NKAIN2: variants seen among roughly 807,000 people sequenced by gnomAD.
NKAIN2 encodes sodium/potassium transporting ATPase interacting 2, also known as sodium/potassium-transporting ATPase subunit beta-1-interacting protein 2.
In NKAIN2, 14 loss-of-function variants were observed where a neutral mutation model predicts 32.6. The ratio of observed to expected loss-of-function variants is 0.43; its 90% CI spans 0.28 to 0.67. The LOEUF (loss-of-function observed/expected upper bound fraction) is 0.67. Ranked by LOEUF, NKAIN2 falls within the 30% of genes least tolerant of loss-of-function variation. The pLI is 0.17. For missense variants in NKAIN2, 198 were observed against 258.3 expected (o/e 0.77, Z 1.60); for synonymous variants, 80 against 87.2 (o/e 0.92, Z 0.46).
At chr6:124,492,980 A>G (rs1777923866) in intron 3 of NKAIN2, among the ~76,000 whole-genome samples, 1 of 151,962 alleles carries the variant, frequency 6.6e-6, no homozygotes, top group Non-Finnish European at 1.5e-5. Flanking sequence ...AGTTCAGGCA[A>G]TACACTAGCC....
At chr6:124,032,916 A>G (rs1781465981) in intron 1 of NKAIN2, among the ~76,000 whole-genome samples, 1 of 152,034 alleles carries the variant, frequency 6.6e-6, no homozygotes, top group Admixed American at 6.6e-5. Context: ...TTCTGTTTTT[A>G]TATGTAATAT....
At position 124,367,900 on chromosome 6, in the gene NKAIN2, G is replaced by A. The variant is rs552592277; in HGVS notation, c.273+12553G>A. Among the ~76,000 whole-genome samples, 60 of 152,076 alleles carry A rather than the reference G, an allele frequency of 3.9e-4. 1 individual carries two copies. In the South Asian group the frequency reaches 0.012, roughly 31 times the overall value. On this transcript the variant is annotated intron_variant, in intron 3 of 6. Coordinates refer to ENST00000368417, the MANE Select transcript of NKAIN2 (RefSeq NM_001040214.3). Reference sequence around the variant, plus strand: ...TTCTTATGTGGACCAATTATTTCAAGGTTTTCAGAAAATTACAGTGGTGTC... The same window carrying A: ...TTCTTATGTGGACCAATTATTTCAAAGTTTTCAGAAAATTACAGTGGTGTC...
chr6:124,418,379 A>G (rs1408600202), intron 3 of NKAIN2, among the ~76,000 whole-genome samples: 2 of 151,740 alleles, frequency 1.3e-5, no homozygotes, highest in African/African-American at 4.8e-5. Context: ...TGATTTTCAG[A>G]TCCCTGCAGC....
intron 3 of NKAIN2, among the ~76,000 whole-genome samples, chr6:124,547,451 C>T (rs1179603112): frequency 2.0e-5 from 3 of 152,136 alleles, no homozygotes; most frequent in African/African-American, 7.2e-5. Flanking sequence ...TATGTAATAA[C>T]ATTAACAAGA....
chr6:123,897,938 A>G (rs1453058230), intron 1 of NKAIN2, among the ~76,000 whole-genome samples: 1 of 152,218 alleles, frequency 6.6e-6, no homozygotes, highest in African/African-American at 2.4e-5. Context: ...ATATGTGCAG[A>G]AAGTTTGCAT....
intron 1 of NKAIN2, among the ~76,000 whole-genome samples, chr6:124,074,251 C>T (rs895661525): frequency 6.6e-6 from 1 of 152,126 alleles, no homozygotes; most frequent in African/African-American, 2.4e-5. Context: ...TCACCCGACA[C>T]CTTCTGCCTG....
intron 1 of NKAIN2, among the ~76,000 whole-genome samples, chr6:124,034,270 T>C (rs1781518333): frequency 6.6e-6 from 1 of 152,114 alleles, no homozygotes; most frequent in South Asian, 2.1e-4. Flanking sequence ...GTTTTTCAAC[T>C]CTTGCCCTTC....
intron 2 of NKAIN2, among the ~76,000 whole-genome samples, chr6:124,308,148 C>A (rs1380978431): frequency 2.0e-5 from 3 of 152,068 alleles, no homozygotes; most frequent in South Asian, 2.1e-4. Flanking sequence ...CTTTGCCCCC[C>A]ACCCCGCAGC....
At chr6:124,751,851 T>A (rs1418237353) in intron 4 of NKAIN2, among the ~76,000 whole-genome samples, 1 of 150,986 alleles carries the variant, frequency 6.6e-6, no homozygotes, top group Non-Finnish European at 1.5e-5. Context: ...AATAAATAAA[T>A]ACCTGTAGTC....
chr6:124,430,087 A>G lies in NKAIN2; in HGVS notation c.273+74740A>G, dbSNP rs141195808. ...AATTCTGCAACAACCCAAGAGATCAAATATGTAATGTAAATTGCCAAGTGC... is the reference window on the plus strand; with the variant it reads ...AATTCTGCAACAACCCAAGAGATCAGATATGTAATGTAAATTGCCAAGTGC... On this transcript the variant is annotated intron_variant, in intron 3 of 6. Coordinates refer to ENST00000368417, the MANE Select transcript of NKAIN2 (RefSeq NM_001040214.3). 3.7e-3 allele frequency among the ~76,000 whole-genome samples: 566 copies of G among 152,332 alleles called. 13 individuals are homozygous for G. The East Asian group carries it at 0.069, about 18-fold the overall frequency.
intron 5 of NKAIN2, among the ~76,000 whole-genome samples, chr6:124,801,667 C>T (rs9375373): frequency 0.19 from 29,160 of 151,962 alleles, 3,669 homozygotes; most frequent in East Asian, 0.59. Flanking sequence ...GCACAATTTA[C>T]GAGAGAAAGA....
intron 3 of NKAIN2, among the ~76,000 whole-genome samples, chr6:124,398,961 C>G (rs746865825): frequency 6.6e-6 from 1 of 152,196 alleles, no homozygotes; most frequent in Non-Finnish European, 1.5e-5. Flanking sequence ...GAGTCTCCCT[C>G]TCTTGCCCAG....
At chr6:123,932,406 CTTTTTTTTTTTTTTTTTTT>C (rs57063550) in intron 1 of NKAIN2, among the ~76,000 whole-genome samples, 2,600 of 104,556 alleles carry the variant, frequency 0.025, 44 homozygotes, top group Middle Eastern at 0.066. Context: ...TTCTGTCTTT[CTTTTTTTTTTTTTTTTTTT>C]TTTTTTTTTG....
At chr6:124,801,337 G>A (rs1020958960) in intron 5 of NKAIN2, among the ~76,000 whole-genome samples, 1 of 152,108 alleles carries the variant, frequency 6.6e-6, no homozygotes, top group Non-Finnish European at 1.5e-5. Context: ...CAGAAATATG[G>A]AATTGTGTAT....
At chr6:124,455,708 C>A (rs377574091) in intron 3 of NKAIN2, among the ~76,000 whole-genome samples, 1 of 151,778 alleles carries the variant, frequency 6.6e-6, no homozygotes. Context: ...ACATGCTAAT[C>A]CCAATCCTCA....
chr6:124,200,333 G>A (rs945382220), intron 1 of NKAIN2, among the ~76,000 whole-genome samples: 5 of 152,086 alleles, frequency 3.3e-5, no homozygotes, highest in African/African-American at 1.2e-4. Flanking sequence ...GCATCAGTTT[G>A]AGGGTAATCC....
At chr6:124,001,610 T>C (rs979550256) in intron 1 of NKAIN2, among the ~76,000 whole-genome samples, 6 of 151,726 alleles carry the variant, frequency 4.0e-5, no homozygotes, top group Non-Finnish European at 7.4e-5. Context: ...TAAATAAATG[T>C]AGACATAGGA....
At chr6:124,620,689 A>C (rs762349923) in intron 3 of NKAIN2, among the ~76,000 whole-genome samples, 1 of 152,184 alleles carries the variant, frequency 6.6e-6, no homozygotes, top group African/African-American at 2.4e-5. Context: ...TCTCATATGG[A>C]ACACTAAGCT....
intron 1 of NKAIN2, among the ~76,000 whole-genome samples, chr6:123,931,216 A>G (rs1219827815): frequency 1.3e-5 from 2 of 150,632 alleles, no homozygotes; most frequent in East Asian, 3.9e-4. Context: ...TCTTCTTCTC[A>G]TTTACATAGC....
Sources: allele counts gnomAD v4.1 joint callset (sites outside exome capture counted in the v4.1 genomes callset), GRCh38; gene constraint gnomAD v4.1.1; transcripts MANE v1.5; gene names NCBI Gene and HGNC (gene_info 2026-07-23, HGNC 2026-07-21).